Variants in ZDHHC21 observed in about 807,000 individuals in gnomAD.
ZDHHC21 encodes palmitoyltransferase ZDHHC21.
Under a neutral mutation model 34.6 loss-of-function variants are expected in ZDHHC21, and 15 were observed. The observed-to-expected ratio is 0.43, with a 90% CI of 0.29 to 0.67. ZDHHC21 has a LOEUF of 0.67. Among genes scored for constraint, ZDHHC21 ranks in the 30% least tolerant of loss-of-function variants. ZDHHC21 has a pLI of 0.14. For synonymous variants in ZDHHC21, 142 were observed against 101.8 expected (o/e 1.40, Z -2.38); for missense variants, 344 against 327.7 (o/e 1.05, Z -0.38).
chr9:14,621,553 AT>A (rs1392556873), intron 8 of ZDHHC21, among the ~76,000 whole-genome samples: 1 of 152,128 alleles, frequency 6.6e-6, no homozygotes, highest in Non-Finnish European at 1.5e-5. Flanking sequence ...GATGCTTACC[AT>A]TACTTTATGA....
At chr9:14,678,216 T>C (rs904116511) in intron 3 of ZDHHC21, among the ~76,000 whole-genome samples, 2 of 152,084 alleles carry the variant, frequency 1.3e-5, no homozygotes, top group Admixed American at 6.6e-5. Context: ...AGGAAAACTA[T>C]TAGAATAGCA....
At chr9:14,638,523 C>T (rs930929199) in intron 8 of ZDHHC21, among the ~76,000 whole-genome samples, 1 of 151,794 alleles carries the variant, frequency 6.6e-6, no homozygotes, top group African/African-American at 2.4e-5. Context: ...ATGCAGACAA[C>T]AAATACAGAC....
At chr9:14,640,056 A>ATATAT (rs1299576517) in intron 7 of ZDHHC21, 44 bp from the exon 8 acceptor site, 1 of 1,135,860 alleles carries the variant, frequency 8.8e-7, no homozygotes, top group Non-Finnish European at 1.3e-6. Context: ...AGAGTTGCTT[A>ATATAT]CATTGCTTAC....
At chr9:14,619,139 T>G in intron 9 of ZDHHC21, 41 bp from the exon 10 acceptor site, 1 of 1,566,590 alleles carries the variant, frequency 6.4e-7, no homozygotes, top group Non-Finnish European at 8.6e-7. Context: ...AGCACTCCCA[T>G]GGTGCACTTC....
chr9:14,639,399 T>C (rs117226214), intron 8 of ZDHHC21, among the ~76,000 whole-genome samples: 3,924 of 152,188 alleles, frequency 0.026, 60 homozygotes, highest in Middle Eastern at 0.041. Context: ...GTGTGGTTAA[T>C]GGTTATAAAC....
intron 8 of ZDHHC21, chr9:14,622,633 C>T (rs1825500330): frequency 1.0e-6 from 1 of 985,034 alleles, no homozygotes; most frequent in Non-Finnish European, 1.2e-6. Flanking sequence ...CCAAGCAACA[C>T]TTTGCCACAT....
chr9:14,620,114 G>C (rs942772448), intron 8 of ZDHHC21, among the ~76,000 whole-genome samples: 1 of 151,874 alleles, frequency 6.6e-6, no homozygotes, highest in Non-Finnish European at 1.5e-5. Flanking sequence ...ACTGGTTCTG[G>C]GTTTCTGTAA....
chr9:14,674,878 G>A (rs993632121), intron 3 of ZDHHC21, among the ~76,000 whole-genome samples: 4 of 152,058 alleles, frequency 2.6e-5, no homozygotes, highest in Admixed American at 1.3e-4. Flanking sequence ...AGAACGAGGG[G>A]TTGGGAAACG....
chr9:14,674,811 A>G (rs1836074642), intron 3 of ZDHHC21, among the ~76,000 whole-genome samples: 2 of 151,984 alleles, frequency 1.3e-5, no homozygotes, highest in African/African-American at 4.8e-5. Context: ...CACACAAGTC[A>G]AAACAGTGGT....
intron 1 of ZDHHC21, among the ~76,000 whole-genome samples, chr9:14,692,588 A>G (rs1839317059): frequency 6.9e-6 from 1 of 144,940 alleles, no homozygotes; most frequent in Non-Finnish European, 1.5e-5. Context: ...TATAGCTTGA[A>G]AAAGACCGTA....
intron 7 of ZDHHC21, among the ~76,000 whole-genome samples, chr9:14,649,036 C>G (rs1830756785): frequency 6.6e-6 from 1 of 151,884 alleles, no homozygotes; most frequent in Non-Finnish European, 1.5e-5. Context: ...AGGGGACACT[C>G]TTGTGCATTG....
chr9:14,623,714 T>C (rs1825722429), intron 8 of ZDHHC21, among the ~76,000 whole-genome samples: 1 of 145,190 alleles, frequency 6.9e-6, no homozygotes, highest in Non-Finnish European at 1.5e-5. Context: ...ATTATAGAAA[T>C]GACCAACAGG....
At position 14,618,558 on chromosome 9, in the gene ZDHHC21, C is replaced by T. The variant is rs1298795808; in HGVS notation, c.*408G>A. The T allele has an allele frequency of 6.5e-6, 1 of 153,710 alleles. No homozygotes were observed. The highest frequency in any genetic ancestry group is 1.4e-5 in the Non-Finnish European group (1 of 69,096). 9.5% of individuals were successfully genotyped at this position (153,710 alleles called of 1,614,324 possible). A position where few individuals can be genotyped will look rare whatever the true frequency, so the allele number is the denominator to read the frequency against. Reference sequence around the variant, plus strand: ...GAAGGTGTATCAACTTTTGTAAAACCTGAATAATTAAATTTAGATTTGGTT... The same window carrying T: ...GAAGGTGTATCAACTTTTGTAAAACTTGAATAATTAAATTTAGATTTGGTT... On this transcript the variant is annotated 3_prime_UTR_variant, in exon 10 of 10. Coordinates refer to ENST00000380916, the MANE Select transcript of ZDHHC21 (RefSeq NM_178566.6).
At chr9:14,687,262 C>T (rs546070539) in intron 2 of ZDHHC21, among the ~76,000 whole-genome samples, 1 of 150,902 alleles carries the variant, frequency 6.6e-6, no homozygotes, top group South Asian at 2.1e-4. Flanking sequence ...TCCTACTTTA[C>T]ATTTATAGTT....
intron 7 of ZDHHC21, among the ~76,000 whole-genome samples, chr9:14,649,579 T>C (rs1424646440): frequency 1.3e-5 from 2 of 152,096 alleles, no homozygotes; most frequent in Non-Finnish European, 2.9e-5. Context: ...TCAGGTAAAA[T>C]GTACTTTTCT....
At chr9:14,652,299 A>T (rs539535041) in intron 7 of ZDHHC21, among the ~76,000 whole-genome samples, 1 of 152,010 alleles carries the variant, frequency 6.6e-6, no homozygotes, top group South Asian at 2.1e-4. Context: ...TTTTTTTAGT[A>T]TAAGACTCAG....
intron 3 of ZDHHC21, among the ~76,000 whole-genome samples, chr9:14,676,885 T>C (rs10961656): frequency 0.33 from 49,673 of 151,950 alleles, 8,381 homozygotes; most frequent in Non-Finnish European, 0.37. Flanking sequence ...TTCAATATTA[T>C]TAATTTTATG....
intron 5 of ZDHHC21, 76 bp from the exon 6 acceptor site, chr9:14,662,402 G>A (rs143381622): frequency 4.6e-6 from 5 of 1,079,450 alleles, no homozygotes; most frequent in African/African-American, 1.6e-5. Context: ...TTGTTTAGAA[G>A]ATTTTATAGG....
intron 6 of ZDHHC21, among the ~76,000 whole-genome samples, chr9:14,661,436 A>G (rs1833376727): frequency 6.6e-6 from 1 of 152,218 alleles, no homozygotes; most frequent in African/African-American, 2.4e-5. Flanking sequence ...CATAAATACT[A>G]CATATATGTA....
Sources: gnomAD v4.1 joint callset for allele counts (sites outside exome capture counted in the v4.1 genomes callset) on GRCh38, gnomAD v4.1.1 for gene constraint, MANE v1.5 for transcripts, NCBI Gene and HGNC (gene_info 2026-07-23, HGNC 2026-07-21) for gene names.